The following FBXO21 variants were observed in gnomAD, a reference collection of about 807,000 sequenced individuals.
FBXO21 encodes F-box protein 21.
Under a neutral mutation model 76.6 loss-of-function variants are expected in FBXO21, and 32 were observed. The ratio of observed to expected loss-of-function variants is 0.42; its 90% CI spans 0.32 to 0.56. The LOEUF is 0.56. Ranked by LOEUF, FBXO21 falls within the 20% of genes least tolerant of loss-of-function variation. The pLI, the probability that FBXO21 is intolerant of heterozygous loss-of-function variation, is 0.16. For synonymous variants in FBXO21, 328 were observed against 311.5 expected (o/e 1.05, Z -0.56); for missense variants, 586 against 797.3 (o/e 0.73, Z 3.19).
At chr12:117,156,687 A>G (rs1439626869) in intron 10 of FBXO21, among the ~76,000 whole-genome samples, 2 of 152,188 alleles carry the variant, frequency 1.3e-5, no homozygotes, top group Non-Finnish European at 2.9e-5. Context: ...TGACAGGAAC[A>G]CCACCTGGTT....
chr12:117,155,983 G>C, intron 10 of FBXO21, 35 bp from the exon 11 acceptor site: 1 of 1,602,702 alleles, frequency 6.2e-7, no homozygotes, highest in African/African-American at 1.3e-5. Flanking sequence ...AGTCCCTGCA[G>C]ACCCGGCCGC....
At chr12:117,182,075 T>C (rs1191582547) in intron 3 of FBXO21, among the ~76,000 whole-genome samples, 1 of 152,250 alleles carries the variant, frequency 6.6e-6, no homozygotes, top group African/African-American at 2.4e-5. Context: ...TTATGGAAAC[T>C]ACACTTTTTC....
chr12:117,175,606 G>C (rs1347398675), intron 4 of FBXO21, among the ~76,000 whole-genome samples: 2 of 152,230 alleles, frequency 1.3e-5, no homozygotes, highest in Admixed American at 1.3e-4. Context: ...CCCAGTCCCA[G>C]TGTTGCCACC....
In FBXO21 at chr12:117,190,433, G is replaced by T. The variant is rs192728619; in HGVS notation, c.24C>A (p.Ser8Arg). The T allele has an allele frequency of 2.7e-5, 38 of 1,403,682 alleles. No individual in the cohort carries two copies. The highest frequency in any genetic ancestry group is 3.0e-5 in the African/African-American group (2 of 67,190). 87.0% of individuals were successfully genotyped at this position (1,403,682 alleles called of 1,614,324 possible). A position where few individuals can be genotyped will look rare whatever the true frequency, so the allele number is the denominator to read the frequency against. Residue 8 changes from serine to arginine, a missense_variant, in exon 1 of 12, where the codon AGC (serine) becomes AGA (arginine). By Grantham distance (110) the Ser-to-Arg change is moderately radical. This residue lies in a region of FBXO21 where 152 missense variants were observed against 127.2 expected (regional missense o/e 1.19). Transcript: ENST00000622495. Reference protein sequence around the residue: MAAAAVDSAMEVVPALAE... With the variant: MAAAAVDRAMEVVPALAE... ...CCAGCGCCGGCACCACCTCCATCGCGCTGTCGACTGCTGCCGCCGCCATCT... is the reference window on the plus strand; with the variant it reads ...CCAGCGCCGGCACCACCTCCATCGCTCTGTCGACTGCTGCCGCCGCCATCT...
At chr12:117,174,912 G>T in intron 4 of FBXO21, 115 bp from the exon 5 acceptor site, 1 of 1,076,438 alleles carries the variant, frequency 9.3e-7, no homozygotes, top group Non-Finnish European at 1.3e-6. Flanking sequence ...CACTGGACAA[G>T]CTTCATGTTT....
At position 117,172,792 on chromosome 12, in the gene FBXO21, C is replaced by T. The variant is rs151067886; in HGVS notation, c.877-185G>A. The stretch of plus-strand genomic sequence containing the variant: ...ATGGTCCATGGCAATTCCAGTCCAC[C>T]GGCTATTTTTGTACAGCCTGTGTAA... On this transcript the variant is annotated intron_variant, in intron 6 of 11. Coordinates refer to ENST00000622495, the MANE Select transcript of FBXO21 (RefSeq NM_015002.3). Among the ~76,000 whole-genome samples, 288 of 152,168 alleles carry T rather than the reference C, an allele frequency of 1.9e-3. 2 individuals carry two copies. The highest frequency in any genetic ancestry group is 6.8e-3 in the Middle Eastern group (2 of 294).
intron 7 of FBXO21, among the ~76,000 whole-genome samples, chr12:117,169,119 T>C (rs1193856225): frequency 6.6e-6 from 1 of 152,186 alleles, no homozygotes; most frequent in Non-Finnish European, 1.5e-5. Context: ...ATGACACATA[T>C]ACACTATGGA....
At chr12:117,162,612 G>A (rs76749468) in intron 9 of FBXO21, among the ~76,000 whole-genome samples, 229 of 152,254 alleles carry the variant, frequency 1.5e-3, no homozygotes, top group African/African-American at 5.3e-3. Context: ...TGACCAAGGC[G>A]GCTGATGTTT....
chr12:117,184,989 TAC>T (rs763977149), intron 3 of FBXO21, among the ~76,000 whole-genome samples: 1 of 152,038 alleles, frequency 6.6e-6, no homozygotes, highest in Non-Finnish European at 1.5e-5. Context: ...TATCAAGAAT[TAC>T]AGAGGTGGGG....
intron 11 of FBXO21, among the ~76,000 whole-genome samples, chr12:117,153,347 GT>G (rs930982243): frequency 6.6e-6 from 1 of 152,134 alleles, no homozygotes; most frequent in African/African-American, 2.4e-5. Flanking sequence ...AGCAAGGGGG[GT>G]ATGGGGGCAC....
intron 3 of FBXO21, among the ~76,000 whole-genome samples, chr12:117,183,017 C>T (rs1227956004): frequency 6.6e-6 from 1 of 152,120 alleles, no homozygotes; most frequent in Non-Finnish European, 1.5e-5. Flanking sequence ...CACTTGAGCC[C>T]AGGGGTTTGA....
intron 9 of FBXO21, among the ~76,000 whole-genome samples, chr12:117,162,703 T>A (rs1016930161): frequency 1.3e-5 from 2 of 152,142 alleles, no homozygotes; most frequent in Non-Finnish European, 2.9e-5. Flanking sequence ...CCCTTTCACT[T>A]GATAAACTCA....
intron 3 of FBXO21, among the ~76,000 whole-genome samples, chr12:117,179,968 A>T (rs183554979): frequency 4.0e-4 from 61 of 152,234 alleles, no homozygotes; most frequent in African/African-American, 1.4e-3. Flanking sequence ...ATTTTTTAGT[A>T]TTATGGACTC....
intron 1 of FBXO21, 51 bp downstream of exon 1, chr12:117,190,167 G>A (rs1168225684): frequency 1.9e-6 from 2 of 1,071,838 alleles, no homozygotes; most frequent in South Asian, 4.4e-5. Context: ...CCCGGCCCCG[G>A]GGGGCGCGGG....
intron 10 of FBXO21, among the ~76,000 whole-genome samples, chr12:117,156,460 A>G (rs1955916590): frequency 6.6e-6 from 1 of 152,218 alleles, no homozygotes; most frequent in Non-Finnish European, 1.5e-5. Flanking sequence ...TAGATACTGC[A>G]TGAAGTTAAG....
intron 2 of FBXO21, 73 bp from the exon 3 acceptor site, chr12:117,186,644 C>G (rs1044737066): frequency 2.0e-6 from 2 of 983,486 alleles, no homozygotes; most frequent in African/African-American, 3.2e-5. Flanking sequence ...CAAATTTGAG[C>G]TGAAATAAAG....
intron 11 of FBXO21, among the ~76,000 whole-genome samples, chr12:117,147,676 G>A (rs1955791504): frequency 6.6e-6 from 1 of 151,880 alleles, no homozygotes; most frequent in African/African-American, 2.4e-5. Flanking sequence ...CAGAACACCT[G>A]GAACAAGGCT....
At chr12:117,158,828 C>A (rs1201742393) in intron 9 of FBXO21, among the ~76,000 whole-genome samples, 2 of 152,250 alleles carry the variant, frequency 1.3e-5, no homozygotes, top group South Asian at 4.1e-4. Context: ...ACCGCCTCTA[C>A]TGCACACAGT....
intron 3 of FBXO21, among the ~76,000 whole-genome samples, chr12:117,179,340 G>C (rs1566006800): frequency 6.6e-6 from 1 of 152,110 alleles, no homozygotes; most frequent in Non-Finnish European, 1.5e-5. Context: ...ACACCTCTAT[G>C]GTCATCACTT....
Sources: gnomAD v4.1 joint callset for allele counts (sites outside exome capture counted in the v4.1 genomes callset) on GRCh38, gnomAD v4.1.1 for gene constraint, gnomAD v4.1.1 regional missense constraint, MANE v1.5 for transcripts, NCBI Gene and HGNC (gene_info 2026-07-23, HGNC 2026-07-21) for gene names.